Variants in RUNX1 observed in about 807,000 individuals in gnomAD.
The protein encoded by RUNX1 is runt-related transcription factor 1.
RUNX1 carries 19 observed loss-of-function variants against 42.8 expected under a neutral mutation model. The observed-to-expected ratio is 0.44, with a 90% CI of 0.31 to 0.65. The LOEUF is 0.65. RUNX1 is among the 30% of genes least tolerant of loss of function. The pLI is 0.07. For synonymous variants in RUNX1, 271 were observed against 289.4 expected, an observed-to-expected ratio of 0.94 and a Z score of 0.64; for missense variants, 528 against 672.0, an observed-to-expected ratio of 0.79 and a Z score of 2.37.
At chr21:34,845,284 T>C (rs1457211817) in intron 6 of RUNX1, among the ~76,000 whole-genome samples, 1 of 152,170 alleles carries the variant, frequency 6.6e-6, no homozygotes, top group African/African-American at 2.4e-5. Context: ...TTGAGCCAGT[T>C]AGGAAATGAA....
At chr21:34,870,819 G>T (rs530249576) in intron 5 of RUNX1, among the ~76,000 whole-genome samples, 1 of 152,034 alleles carries the variant, frequency 6.6e-6, no homozygotes, top group Admixed American at 6.5e-5. Context: ...TTATCCAGGC[G>T]TGGTGGTGCA....
intron 2 of RUNX1, among the ~76,000 whole-genome samples, chr21:34,929,314 G>T (rs11910219): frequency 6.6e-6 from 1 of 152,044 alleles, no homozygotes; most frequent in Non-Finnish European, 1.5e-5. Flanking sequence ...ACAAAAGCTG[G>T]GGCCAGCAGT....
At chr21:35,045,072 C>T (rs1050958966) in intron 2 of RUNX1, among the ~76,000 whole-genome samples, 5 of 152,198 alleles carry the variant, frequency 3.3e-5, no homozygotes, top group African/African-American at 7.2e-5. Flanking sequence ...TTCTTTGGGG[C>T]GGCTGCCATT....
At chr21:34,813,010 T>C (rs1023331618) in intron 7 of RUNX1, among the ~76,000 whole-genome samples, 2 of 152,202 alleles carry the variant, frequency 1.3e-5, no homozygotes, top group East Asian at 3.9e-4. Flanking sequence ...ACTCACATTT[T>C]TTTCAGGCAT....
chr21:34,942,318 A>C (rs1278666575), intron 2 of RUNX1, among the ~76,000 whole-genome samples: 2 of 128,654 alleles, frequency 1.6e-5, no homozygotes, highest in African/African-American at 7.4e-5. Flanking sequence ...GCACTCAAGC[A>C]AAAAAAAAAA....
rs1174859591 is a variant in RUNX1, at chr21:34,849,312, T to G, written c.613+10162A>C. Among the ~76,000 whole-genome samples the G allele has an allele frequency of 6.9e-4, 25 of 36,238 alleles. 3 individuals are homozygous for G. The Admixed American group carries it at 7.9e-3, about 11-fold the overall frequency. The allele number at this position is 36,238 out of a possible 152,430, so 23.8% of individuals were successfully genotyped here. A position where few individuals can be genotyped will look rare whatever the true frequency, so the allele number is the denominator to read the frequency against. On this transcript the variant is annotated intron_variant, in intron 6 of 8. Coordinates refer to ENST00000675419, the MANE Select transcript of RUNX1 (RefSeq NM_001754.5). ...TTATATATAAAATATATAATATATATTATATATATATTATATATACTATAT... is the reference window on the plus strand; with the variant it reads ...TTATATATAAAATATATAATATATAGTATATATATATTATATATACTATAT...
chr21:35,041,660 CTTT>C (rs36116941), intron 2 of RUNX1, among the ~76,000 whole-genome samples: 213 of 139,464 alleles, frequency 1.5e-3, no homozygotes, highest in Non-Finnish European at 1.9e-3. Context: ...TTCTTTCTTT[CTTT>C]TTTTTTTTTT....
chr21:35,046,174 G>A (rs186401246), intron 2 of RUNX1, among the ~76,000 whole-genome samples: 47 of 152,196 alleles, frequency 3.1e-4, no homozygotes, highest in Non-Finnish European at 5.3e-4. Flanking sequence ...AAGCAAATTC[G>A]GTGGGAACCT....
intron 2 of RUNX1, among the ~76,000 whole-genome samples, chr21:35,045,888 G>A (rs1307640098): frequency 2.6e-5 from 4 of 152,080 alleles, no homozygotes; most frequent in Non-Finnish European, 4.4e-5. Context: ...AGTCGGTCTC[G>A]CTGAGATTTT....
intron 2 of RUNX1, among the ~76,000 whole-genome samples, chr21:34,963,022 C>T (rs748713410): frequency 1.3e-5 from 2 of 152,148 alleles, no homozygotes; most frequent in Non-Finnish European, 2.9e-5. Context: ...TTAAAAGCTC[C>T]GAAGGCGGTT....
chr21:34,821,315 T>C (rs1484803985), intron 7 of RUNX1: 1 of 1,138,308 alleles, frequency 8.8e-7, no homozygotes, highest in African/African-American at 1.6e-5. Flanking sequence ...TTATTAAGTA[T>C]TGAAAGTGTA....
intron 2 of RUNX1, among the ~76,000 whole-genome samples, chr21:35,042,267 C>T (rs2059364949): frequency 6.6e-6 from 1 of 152,212 alleles, no homozygotes; most frequent in Non-Finnish European, 1.5e-5. Flanking sequence ...AATATTCACC[C>T]TTGGCATCCA....
rs1275619292 is a variant in RUNX1, at chr21:34,843,230, C to A, written c.614-8629G>T. ...TGGACACACACACAGATATAAAACA[C>A]ACATGGGGATACACACATATAAATA... On this transcript the variant is annotated intron_variant, in intron 6 of 8. Coordinates refer to ENST00000675419, the MANE Select transcript of RUNX1 (RefSeq NM_001754.5). This position sits in a 1 kb window ranked among gnomAD's most constrained non-coding sequence, Gnocchi z 4.8. Among the ~76,000 whole-genome samples, 1 of 151,942 alleles carries A rather than the reference C, an allele frequency of 6.6e-6. No individual in the cohort carries two copies. The highest frequency in any genetic ancestry group is 1.5e-5 in the Non-Finnish European group (1 of 67,970).
intron 2 of RUNX1, among the ~76,000 whole-genome samples, chr21:34,919,856 A>G (rs1601570526): frequency 6.6e-6 from 1 of 152,218 alleles, no homozygotes; most frequent in Non-Finnish European, 1.5e-5. Flanking sequence ...TGAAAGGAAC[A>G]AGCACATCCT....
At chr21:34,859,697 A>G (rs2057544293) in intron 5 of RUNX1, 119 bp from the exon 6 acceptor site, 6 of 874,860 alleles carry the variant, frequency 6.9e-6, no homozygotes, top group Admixed American at 3.6e-5. Context: ...CAGTTTTGAC[A>G]ACACTCCCGG....
At chr21:34,935,238 C>T (rs1227529626) in intron 2 of RUNX1, among the ~76,000 whole-genome samples, 2 of 152,054 alleles carry the variant, frequency 1.3e-5, no homozygotes, top group Non-Finnish European at 2.9e-5. Flanking sequence ...GCTGTGAGCT[C>T]TCCTTCCACT....
intron 2 of RUNX1, among the ~76,000 whole-genome samples, chr21:34,935,586 T>G (rs1167484339): frequency 6.6e-6 from 1 of 152,180 alleles, no homozygotes; most frequent in African/African-American, 2.4e-5. Context: ...GAGACACTTT[T>G]TTTTTTTGTA....
At chr21:34,963,124 T>C (rs370622369) in intron 2 of RUNX1, among the ~76,000 whole-genome samples, 2 of 152,182 alleles carry the variant, frequency 1.3e-5, no homozygotes, top group East Asian at 3.9e-4. Flanking sequence ...GGTGTTTGTA[T>C]CTTTAAGCGC....
At chr21:34,837,292 A>G (rs1020683045) in intron 6 of RUNX1, among the ~76,000 whole-genome samples, 2 of 152,176 alleles carry the variant, frequency 1.3e-5, no homozygotes, top group African/African-American at 4.8e-5. Context: ...GGGAGTCAGT[A>G]GGAACGTTAT....
Sources: gnomAD v4.1 joint callset for allele counts (sites outside exome capture counted in the v4.1 genomes callset) on GRCh38, gnomAD v4.1.1 for gene constraint, Gnocchi (gnomAD v3.1) non-coding constraint, MANE v1.5 for transcripts, NCBI Gene and HGNC (gene_info 2026-07-23, HGNC 2026-07-21) for gene names.